The following RMDN1 variants were observed in gnomAD, a reference collection of about 807,000 sequenced individuals.
The protein encoded by RMDN1 is regulator of microtubule dynamics 1.
In RMDN1, 48 loss-of-function variants were observed where a neutral mutation model predicts 48.9. That is an observed-to-expected ratio of 0.98 (90% CI 0.78 to 1.25). The LOEUF (loss-of-function observed/expected upper bound fraction) is 1.25, where lower values mean the gene tolerates loss of function less well. RMDN1 is among the 50% of genes most tolerant of loss of function. The probability of loss-of-function intolerance (pLI) is 0.00; values close to 1 mark genes in which losing one functional copy is unlikely to be tolerated. For synonymous variants in RMDN1, 148 were observed against 132.6 expected (o/e 1.12, Z -0.80); for missense variants, 418 against 373.4 (o/e 1.12, Z -0.98).
At chr8:86,478,873 G>A in intron 7 of RMDN1, 50 bp downstream of exon 7, 1 of 1,407,348 alleles carries the variant, frequency 7.1e-7, no homozygotes, top group Non-Finnish European at 1.0e-6. Context: ...TGGTAGAATG[G>A]CGCTGTGGTT....
chr8:86,513,332 G>A (rs1586818509), upstream of RMDN1, among the ~76,000 whole-genome samples: 2 of 152,118 alleles, frequency 1.3e-5, no homozygotes, highest in South Asian at 2.1e-4. Context: ...CTGAGATCGC[G>A]CCATTGCACT....
chr8:86,513,033 C>G (rs1033263916), upstream of RMDN1, among the ~76,000 whole-genome samples: 7 of 149,382 alleles, frequency 4.7e-5, no homozygotes, highest in African/African-American at 1.5e-4. Context: ...TAAAAAAAAC[C>G]TTCACCCATT....
intron 5 of RMDN1, among the ~76,000 whole-genome samples, chr8:86,483,650 A>G (rs1333551790): frequency 6.6e-6 from 1 of 152,134 alleles, no homozygotes. Flanking sequence ...AGGTCTCTGG[A>G]CTCCCAGTCA....
intron 5 of RMDN1, chr8:86,481,709 T>C (rs112261056): frequency 1.8e-6 from 1 of 555,214 alleles, no homozygotes; most frequent in Non-Finnish European, 3.0e-6. Context: ...CAATGGTCTC[T>C]GTCAGGCCAA....
chr8:86,468,785 A>C (rs1386991764), downstream of RMDN1: 2 of 449,602 alleles, frequency 4.4e-6, no homozygotes, highest in Non-Finnish European at 8.9e-6. Flanking sequence ...ATAGATATCC[A>C]AGACCTACAG....
intron 2 of RMDN1, among the ~76,000 whole-genome samples, chr8:86,491,174 C>T (rs527677348): frequency 2.3e-4 from 35 of 151,902 alleles, no homozygotes; most frequent in African/African-American, 7.2e-4. Context: ...CTCACTCTGT[C>T]GTCAGGCTGG....
intron 3 of RMDN1, among the ~76,000 whole-genome samples, chr8:86,487,282 AC>A (rs1313502543): frequency 5.3e-5 from 8 of 152,254 alleles, no homozygotes; most frequent in Admixed American, 5.2e-4. Flanking sequence ...TAAATTATTA[AC>A]CACCACAACT....
intron 2 of RMDN1, among the ~76,000 whole-genome samples, chr8:86,497,377 A>G: frequency 6.6e-6 from 1 of 152,334 alleles, no homozygotes; most frequent in East Asian, 1.9e-4. Context: ...AAGAATAAAC[A>G]AAATTTATAG....
intron 2 of RMDN1, among the ~76,000 whole-genome samples, chr8:86,490,155 A>T (rs1317746667): frequency 6.6e-6 from 1 of 152,178 alleles, no homozygotes; most frequent in Non-Finnish European, 1.5e-5. Context: ...TTGTGTTTTA[A>T]CAACCCAAAG....
downstream of RMDN1, chr8:86,468,789 C>T: frequency 2.2e-6 from 1 of 445,250 alleles, no homozygotes. Context: ...ATATCCAAGA[C>T]CTACAGGCAG....
At chr8:86,480,129 G>A (rs1184497180) in intron 6 of RMDN1, 148 bp downstream of exon 6, 4 of 444,018 alleles carry the variant, frequency 9.0e-6, no homozygotes, top group Middle Eastern at 1.2e-3. Flanking sequence ...ATATATACAA[G>A]GGCTAGTTAA....
At chr8:86,503,425 G>A (rs984463978) in intron 2 of RMDN1, among the ~76,000 whole-genome samples, 1 of 140,032 alleles carries the variant, frequency 7.1e-6, no homozygotes, top group Non-Finnish European at 1.6e-5. Context: ...GAGAGATGCT[G>A]TAATGGTGAG....
chr8:86,491,408 T>C (rs1816479685), intron 2 of RMDN1, among the ~76,000 whole-genome samples: 1 of 152,172 alleles, frequency 6.6e-6, no homozygotes, highest in South Asian at 2.1e-4. Context: ...TGATTTTTTC[T>C]AAAATCAAAC....
In RMDN1 at chr8:86,474,306, TC is replaced by T. The variant is rs1485262180; in HGVS notation, c.*1del. The T allele has an allele frequency of 6.2e-7, 1 of 1,613,536 alleles. No individual in the cohort carries two copies. Among genetic ancestry groups the T allele is most frequent in the Non-Finnish European group, 8.5e-7 (1 of 1,179,792 alleles). On this transcript the variant is annotated 3_prime_UTR_variant, in exon 10 of 10. Transcript: ENST00000406452. ...ATTTCATAAATCTTCTCTGAAAAGT[TC>T]TCAATTCTTCTCACTGAAACTTGTA... is the stretch of plus-strand genomic sequence containing the variant.
At chr8:86,481,560 CTTT>C (rs71275857) in intron 5 of RMDN1, among the ~76,000 whole-genome samples, 27,866 of 104,832 alleles carry the variant, frequency 0.27, 2,555 homozygotes, top group East Asian at 0.5. Flanking sequence ...ATTAATTTTC[CTTT>C]TTTTTTTTTT....
At chr8:86,505,906 T>TA (rs1819262962) in intron 2 of RMDN1, among the ~76,000 whole-genome samples, 1 of 152,242 alleles carries the variant, frequency 6.6e-6, no homozygotes, top group Admixed American at 6.5e-5. Flanking sequence ...GCCTACATAA[T>TA]AAAGTTATTG....
intron 8 of RMDN1, among the ~76,000 whole-genome samples, chr8:86,476,854 C>T (rs1426272025): frequency 6.6e-6 from 1 of 152,050 alleles, no homozygotes. Context: ...TGCTACCACA[C>T]CTGGCTAATT....
intron 2 of RMDN1, among the ~76,000 whole-genome samples, chr8:86,493,445 GGATTA>G (rs925906266): frequency 1.6e-4 from 24 of 152,084 alleles, no homozygotes; most frequent in African/African-American, 5.8e-4. Flanking sequence ...ATAGATGAAT[GGATTA>G]AACAAAAAAA....
intron 2 of RMDN1, among the ~76,000 whole-genome samples, chr8:86,498,642 G>A (rs13267858): frequency 0.26 from 40,228 of 151,858 alleles, 6,221 homozygotes; most frequent in East Asian, 0.54. Context: ...TTACCCAGGC[G>A]TAGTGGTATA....
Sources: gnomAD v4.1 joint callset for allele counts (sites outside exome capture counted in the v4.1 genomes callset) on GRCh38, gnomAD v4.1.1 for gene constraint, MANE v1.5 for transcripts, NCBI Gene and HGNC (gene_info 2026-07-23, HGNC 2026-07-21) for gene names.